The following PPP2R5E variants were observed in gnomAD, a reference collection of about 807,000 sequenced individuals.
PPP2R5E encodes the protein serine/threonine-protein phosphatase 2A 56 kDa regulatory subunit epsilon isoform.
PPP2R5E carries 4 observed loss-of-function variants against 65.3 expected under a neutral mutation model. The observed-to-expected ratio is 0.06, with a 90% CI of 0.03 to 0.14. PPP2R5E has a LOEUF of 0.14. PPP2R5E is among the 10% of genes least tolerant of loss of function. The probability of loss-of-function intolerance (pLI) is 1.00; values close to 1 mark genes in which losing one functional copy is unlikely to be tolerated. For missense variants in PPP2R5E, 274 were observed against 556.1 expected (o/e 0.49, Z 5.10); for synonymous variants, 183 against 187.4 (o/e 0.98, Z 0.19).
intron 10 of PPP2R5E, among the ~76,000 whole-genome samples, chr14:63,391,477 C>T (rs1329099633): frequency 5.3e-5 from 8 of 152,122 alleles, no homozygotes; most frequent in Non-Finnish European, 8.8e-5. Context: ...GGCTGGAGTG[C>T]AATGGCACCA....
intron 2 of PPP2R5E, among the ~76,000 whole-genome samples, chr14:63,499,460 C>G (rs904861388): frequency 1.3e-5 from 2 of 152,166 alleles, no homozygotes; most frequent in Non-Finnish European, 2.9e-5. Context: ...TGCAGGGGCT[C>G]ACACCTGTAA....
At chr14:63,453,668 C>T (rs373953077) in intron 3 of PPP2R5E, 21 bp downstream of exon 3, 32 of 1,607,988 alleles carry the variant, frequency 2.0e-5, no homozygotes, top group South Asian at 4.4e-5. Context: ...AAAGTGTCCG[C>T]GGAGAAAAAA....
At chr14:63,441,760 A>G (rs74627883) in intron 3 of PPP2R5E, among the ~76,000 whole-genome samples, 2,584 of 152,112 alleles carry the variant, frequency 0.017, 73 homozygotes, top group African/African-American at 0.059. Context: ...AACACAAAAA[A>G]TTACTCGGGT....
At chr14:63,448,761 G>A (rs937236764) in intron 3 of PPP2R5E, among the ~76,000 whole-genome samples, 4 of 141,150 alleles carry the variant, frequency 2.8e-5, no homozygotes, top group South Asian at 4.4e-4. Flanking sequence ...TTGCACTCCA[G>A]CCTGGGTGAC....
At chr14:63,512,614 C>T (rs928122213) in intron 2 of PPP2R5E, among the ~76,000 whole-genome samples, 39 of 152,192 alleles carry the variant, frequency 2.6e-4, no homozygotes, top group African/African-American at 4.1e-4. Flanking sequence ...ACTTCCACTC[C>T]TATTCCCCAA....
intron 5 of PPP2R5E, among the ~76,000 whole-genome samples, chr14:63,412,800 C>T (rs1886467514): frequency 6.6e-6 from 1 of 152,182 alleles, no homozygotes; most frequent in African/African-American, 2.4e-5. Flanking sequence ...CAGTCTACAT[C>T]CTATTGTCTG....
At chr14:63,388,550 GC>G (rs1884819391) in intron 11 of PPP2R5E, among the ~76,000 whole-genome samples, 1 of 152,098 alleles carries the variant, frequency 6.6e-6, no homozygotes, top group South Asian at 2.1e-4. Context: ...AGCACTAAAG[GC>G]CCTGAGTGGT....
chr14:63,389,874 T>G, intron 10 of PPP2R5E, 143 bp from the exon 11 acceptor site: 1 of 920,566 alleles, frequency 1.1e-6, no homozygotes, highest in African/African-American at 1.7e-5. Flanking sequence ...CATTATCCCA[T>G]GTTAGAAGAT....
In PPP2R5E at chr14:63,385,589, T is replaced by A. The variant is rs557428952; in HGVS notation, c.1075-1018A>T. ...AGGAACACCCACAGTTGCTCATCCC[T>A]GTAGAGCGGCCAATATTTACTAAGT... is the stretch of plus-strand genomic sequence containing the variant. On this transcript the variant is annotated intron_variant, in intron 11 of 13. Coordinates refer to ENST00000337537, the MANE Select transcript of PPP2R5E (RefSeq NM_006246.5). 1.3e-5 allele frequency among the ~76,000 whole-genome samples: 2 copies of A among 152,088 alleles called. 1 individual carries two copies. The highest frequency in any genetic ancestry group is 1.3e-4 in the Admixed American group (2 of 15,264).
At chr14:63,411,963 G>C (rs1056283091) in intron 5 of PPP2R5E, among the ~76,000 whole-genome samples, 1 of 152,134 alleles carries the variant, frequency 6.6e-6, no homozygotes, top group African/African-American at 2.4e-5. Flanking sequence ...ATAATAGTGT[G>C]CACTGTACCC....
chr14:63,409,949 T>C (rs181643553), intron 5 of PPP2R5E, among the ~76,000 whole-genome samples: 85 of 152,324 alleles, frequency 5.6e-4, no homozygotes, highest in Admixed American at 5.4e-3. Context: ...GTTCACATTC[T>C]CAGCTCCTAA....
intron 2 of PPP2R5E, among the ~76,000 whole-genome samples, chr14:63,528,911 T>G (rs1893295099): frequency 6.6e-6 from 1 of 152,132 alleles, no homozygotes; most frequent in South Asian, 2.1e-4. Flanking sequence ...ACACAGAAGA[T>G]CATATTTTAA....
At chr14:63,457,239 G>C (rs991472173) in intron 2 of PPP2R5E, among the ~76,000 whole-genome samples, 9 of 152,194 alleles carry the variant, frequency 5.9e-5, no homozygotes, top group African/African-American at 2.2e-4. Context: ...AACAATCTCT[G>C]AGTAGTCCAG....
At chr14:63,468,931 T>C (rs1460733716) in intron 2 of PPP2R5E, among the ~76,000 whole-genome samples, 5 of 152,198 alleles carry the variant, frequency 3.3e-5, no homozygotes, top group Admixed American at 6.5e-5. Context: ...CTCTGTTATT[T>C]AGAGATCTAA....
intron 2 of PPP2R5E, among the ~76,000 whole-genome samples, chr14:63,496,164 C>T (rs1891556781): frequency 6.6e-6 from 1 of 152,182 alleles, no homozygotes; most frequent in East Asian, 1.9e-4. Flanking sequence ...TTGGTGTTCA[C>T]CGTTTATCCA....
intron 2 of PPP2R5E, among the ~76,000 whole-genome samples, chr14:63,459,970 C>T (rs1889362817): frequency 6.6e-6 from 1 of 152,180 alleles, no homozygotes; most frequent in Admixed American, 6.5e-5. Context: ...TTTTAGAAAT[C>T]TTGCCAATCT....
chr14:63,423,970 G>T (rs948982919), intron 3 of PPP2R5E, among the ~76,000 whole-genome samples: 1 of 152,046 alleles, frequency 6.6e-6, no homozygotes, highest in African/African-American at 2.4e-5. Context: ...TCTTAAAACA[G>T]AGAAGTGGCA....
intron 2 of PPP2R5E, among the ~76,000 whole-genome samples, chr14:63,467,868 G>C (rs577290458): frequency 6.6e-6 from 1 of 152,190 alleles, no homozygotes; most frequent in Non-Finnish European, 1.5e-5. Flanking sequence ...CAGCTAAGAC[G>C]ATGGGCTACA....
At chr14:63,379,852 T>TTTTG (rs1566660796) in intron 13 of PPP2R5E, among the ~76,000 whole-genome samples, 1 of 140,976 alleles carries the variant, frequency 7.1e-6, no homozygotes, top group African/African-American at 2.7e-5. Context: ...TTTTTTTTTT[T>TTTTG]GAGACAGAGT....
Sources: allele counts gnomAD v4.1 joint callset (sites outside exome capture counted in the v4.1 genomes callset), GRCh38; gene constraint gnomAD v4.1.1; transcripts MANE v1.5; gene names NCBI Gene and HGNC (gene_info 2026-07-23, HGNC 2026-07-21).